The following SEMA6D variants were observed in gnomAD, a reference collection of about 807,000 sequenced individuals.
SEMA6D encodes semaphorin 6D, also known as semaphorin-6D.
A neutral mutation model predicts 106.6 loss-of-function variants in SEMA6D; 35 were observed. That is an observed-to-expected ratio of 0.33 (90% CI 0.25 to 0.44). SEMA6D has a LOEUF of 0.44. Ranked by LOEUF, SEMA6D falls within the 20% of genes least tolerant of loss-of-function variation. The probability of loss-of-function intolerance (pLI) is 1.00; values close to 1 mark genes in which losing one functional copy is unlikely to be tolerated. For synonymous variants in SEMA6D, 499 were observed against 487.7 expected, an observed-to-expected ratio of 1.02 and a Z score of -0.31; for missense variants, 1,185 against 1,345.9, an observed-to-expected ratio of 0.88 and a Z score of 1.87.
chr15:47,547,782 A>G (rs2045568227), intron 3 of SEMA6D, among the ~76,000 whole-genome samples: 1 of 152,170 alleles, frequency 6.6e-6, no homozygotes, highest in African/African-American at 2.4e-5. Flanking sequence ...ATGTATGTCT[A>G]AAGCATTATT....
At chr15:47,411,570 A>G (rs2040800469) in intron 1 of SEMA6D, among the ~76,000 whole-genome samples, 1 of 152,208 alleles carries the variant, frequency 6.6e-6, no homozygotes, top group Admixed American at 6.5e-5. Context: ...CGGTAGAACA[A>G]AAACTTATCT....
intron 4 of SEMA6D, among the ~76,000 whole-genome samples, chr15:47,658,612 CT>C (rs1331284054): frequency 1.3e-5 from 2 of 152,154 alleles, no homozygotes; most frequent in Non-Finnish European, 2.9e-5. Flanking sequence ...TGGTGTTGGA[CT>C]GCGCAATCCT....
intron 1 of SEMA6D, among the ~76,000 whole-genome samples, chr15:47,410,237 G>C (rs953527921): frequency 2.6e-5 from 4 of 152,040 alleles, no homozygotes; most frequent in Admixed American, 6.5e-5. Context: ...GCTTGCCTTG[G>C]ACTTCCAGTT....
In SEMA6D at chr15:47,771,853, G is replaced by A; in HGVS notation, c.*68G>A. 4 of 1,438,710 alleles carry A rather than the reference G, an allele frequency of 2.8e-6. No individual in the cohort carries two copies. Among genetic ancestry groups the A allele is most frequent in the African/African-American group, 1.4e-5 (1 of 70,578 alleles). 89.1% of individuals were successfully genotyped at this position (1,438,710 alleles called of 1,614,324 possible). A position where few individuals can be genotyped will look rare whatever the true frequency, so the allele number is the denominator to read the frequency against. On this transcript the variant is annotated 3_prime_UTR_variant, in exon 19 of 19. Coordinates refer to ENST00000536845, the MANE Select transcript of SEMA6D (RefSeq NM_001358351.3). ...TTGTTGAGAGGATGATGTTGTAAGGGTACCTTAAAACAAGAGACTCGCTTG... is the reference window on the plus strand; with the variant it reads ...TTGTTGAGAGGATGATGTTGTAAGGATACCTTAAAACAAGAGACTCGCTTG...
rs112258542 is a variant in SEMA6D at position 47,245,108 on chromosome 15, G to A, written c.-239+60690G>A. Among the ~76,000 whole-genome samples, 1,280 of 152,030 alleles carry A rather than the reference G, an allele frequency of 8.4e-3. 18 individuals carry two copies. The highest frequency in any genetic ancestry group is 0.029 in the African/African-American group (1,216 of 41,484). On this transcript the variant is annotated intron_variant, in intron 1 of 19. Coordinates refer to the SEMA6D transcript ENST00000558014. Reference sequence around the variant, plus strand: ...TCTTTATCCAATCCAACATTGATGGGCACCTAGGTTGATTCCATGTTTTTG... The same window carrying A: ...TCTTTATCCAATCCAACATTGATGGACACCTAGGTTGATTCCATGTTTTTG...
At chr15:47,227,451 C>CTTTCTTTCTTTCTTTCTTCTTTCT (rs2031786156) in intron 1 of SEMA6D, among the ~76,000 whole-genome samples, 1 of 125,686 alleles carries the variant, frequency 8.0e-6, no homozygotes, top group African/African-American at 3.3e-5. Flanking sequence ...TCTTTCTTTT[C>CTTTCTTTCTTTCTTTCTTCTTTCT]TTTCTTTTCT....
chr15:47,269,597 A>C (rs180681928), intron 1 of SEMA6D, among the ~76,000 whole-genome samples: 57 of 152,102 alleles, frequency 3.7e-4, no homozygotes, highest in African/African-American at 1.3e-3. Context: ...TTATAAATTA[A>C]ATTGTTTTTA....
intron 2 of SEMA6D, among the ~76,000 whole-genome samples, chr15:47,438,361 C>T (rs2041785835): frequency 6.6e-6 from 1 of 152,094 alleles, no homozygotes; most frequent in Non-Finnish European, 1.5e-5. Flanking sequence ...ACAGCAGCCA[C>T]AGTGATCTTT....
chr15:47,420,521 C>T (rs1347613953), intron 2 of SEMA6D, among the ~76,000 whole-genome samples: 1 of 151,984 alleles, frequency 6.6e-6, no homozygotes, highest in East Asian at 1.9e-4. Context: ...TAGTTTTGCC[C>T]ATCTTCTATT....
At chr15:47,348,723 CACACAGAGAG>C (rs1338314248) in intron 1 of SEMA6D, among the ~76,000 whole-genome samples, 2 of 45,608 alleles carry the variant, frequency 4.4e-5, no homozygotes, top group African/African-American at 1.1e-4. Flanking sequence ...ACACACCACA[CACACAGAGAG>C]AGAGAGAGAG....
At chr15:47,646,119 TC>T (rs1015101034) in intron 4 of SEMA6D, among the ~76,000 whole-genome samples, 1 of 152,054 alleles carries the variant, frequency 6.6e-6, no homozygotes, top group Non-Finnish European at 1.5e-5. Context: ...TCTTCTATCC[TC>T]CCCAGAGGTT....
chr15:47,502,540 T>A (rs2043888031), intron 3 of SEMA6D, among the ~76,000 whole-genome samples: 1 of 152,190 alleles, frequency 6.6e-6, no homozygotes, highest in Admixed American at 6.5e-5. Context: ...GGAAAAAACA[T>A]TGATATGGCT....
At chr15:47,549,057 A>T (rs1328399397) in intron 3 of SEMA6D, among the ~76,000 whole-genome samples, 1 of 152,176 alleles carries the variant, frequency 6.6e-6, no homozygotes, top group African/African-American at 2.4e-5. Flanking sequence ...GAATCAGTTC[A>T]TGCAGACCTA....
chr15:47,467,281 A>C (rs928065910), intron 2 of SEMA6D, among the ~76,000 whole-genome samples: 1 of 152,032 alleles, frequency 6.6e-6, no homozygotes, highest in African/African-American at 2.4e-5. Flanking sequence ...CATTTATTGT[A>C]ATTTATGTTT....
At chr15:47,399,464 G>C (rs1368348753) in intron 1 of SEMA6D, 1 of 152,230 alleles carries the variant, frequency 6.6e-6, no homozygotes, top group Admixed American at 6.5e-5. Context: ...CCAAAATTCT[G>C]ACTTCCTAGA....
At chr15:47,253,535 A>G (rs759777886) in intron 1 of SEMA6D, among the ~76,000 whole-genome samples, 5 of 152,316 alleles carry the variant, frequency 3.3e-5, no homozygotes, top group Non-Finnish European at 5.9e-5. Context: ...TGATTTTTGT[A>G]TAAGGTAAGA....
At chr15:47,443,224 T>C (rs1470670114) in intron 2 of SEMA6D, among the ~76,000 whole-genome samples, 1 of 152,224 alleles carries the variant, frequency 6.6e-6, no homozygotes, top group South Asian at 2.1e-4. Flanking sequence ...CATTGAGAGG[T>C]AGAGTCTGTG....
chr15:47,550,638 G>T (rs2045657450), intron 3 of SEMA6D, among the ~76,000 whole-genome samples: 1 of 152,122 alleles, frequency 6.6e-6, no homozygotes, highest in African/African-American at 2.4e-5. Context: ...ATCCATCCAT[G>T]TGGACTCAGT....
chr15:47,618,527 GA>G (rs1179039725), intron 4 of SEMA6D, among the ~76,000 whole-genome samples: 1 of 152,214 alleles, frequency 6.6e-6, no homozygotes, highest in African/African-American at 2.4e-5. Context: ...CAATGTGGCT[GA>G]TCTCGTCACT....
Sources: allele counts gnomAD v4.1 joint callset (sites outside exome capture counted in the v4.1 genomes callset), GRCh38; gene constraint gnomAD v4.1.1; transcripts MANE v1.5; gene names NCBI Gene and HGNC (gene_info 2026-07-23, HGNC 2026-07-21).